Variants in EIF2S1 observed in about 807,000 individuals in gnomAD.
EIF2S1 encodes the protein eukaryotic translation initiation factor 2 subunit 1.
Under a neutral mutation model 33.5 loss-of-function variants are expected in EIF2S1, and 5 were observed. That is an observed-to-expected ratio of 0.15 (90% CI 0.08 to 0.31). The LOEUF (loss-of-function observed/expected upper bound fraction) is 0.31. Ranked by LOEUF, EIF2S1 falls within the 10% of genes least tolerant of loss-of-function variation. The pLI is 1.00. For synonymous variants in EIF2S1, 99 were observed against 127.5 expected (o/e 0.78, Z 1.51); for missense variants, 191 against 384.6 (o/e 0.50, Z 4.21).
chr14:67,374,580 A>C, intron 3 of EIF2S1, 33 bp downstream of exon 3: 1 of 1,383,874 alleles, frequency 7.2e-7, no homozygotes, highest in Non-Finnish European at 1.0e-6. Context: ...TTAGTCCACT[A>C]TCTGTGTGTT....
At chr14:67,374,960 A>G (rs906465720) in intron 3 of EIF2S1, among the ~76,000 whole-genome samples, 28 of 152,342 alleles carry the variant, frequency 1.8e-4, no homozygotes, top group Middle Eastern at 3.4e-3. Flanking sequence ...GGAGACAACC[A>G]GCTGTTATAT....
At chr14:67,362,377 A>G (rs1405174223) in intron 1 of EIF2S1, among the ~76,000 whole-genome samples, 1 of 152,192 alleles carries the variant, frequency 6.6e-6, no homozygotes, top group Admixed American at 6.5e-5. Context: ...CTACTGAAAA[A>G]AAAATTAACA....
intron 4 of EIF2S1, among the ~76,000 whole-genome samples, chr14:67,378,518 G>A (rs2085869828): frequency 1.3e-5 from 2 of 152,164 alleles, no homozygotes; most frequent in African/African-American, 2.4e-5. Context: ...GAGCCAGGCA[G>A]TATTCAAACG....
chr14:67,381,106 T>C (rs1395972263), intron 5 of EIF2S1, among the ~76,000 whole-genome samples: 1 of 152,214 alleles, frequency 6.6e-6, no homozygotes, highest in African/African-American at 2.4e-5. Context: ...ACTAGCCTTT[T>C]CCACCCAGTG....
In EIF2S1 at chr14:67,374,499, T is replaced by C. The variant is rs1380557498; in HGVS notation, c.273T>C (p.Ser91=). The change falls in exon 3 of 8, where the codon TCT becomes TCC. Residue 91 remains serine (S), a synonymous_variant. Transcript: ENST00000256383. Reference sequence around the variant, plus strand: ...TTGATTTGTCAAAAAGAAGAGTTTCTCCAGAGGAAGCAATCAAATGTGAAG... The same window carrying C: ...TTGATTTGTCAAAAAGAAGAGTTTCCCCAGAGGAAGCAATCAAATGTGAAG... ...GYIDLSKRRV[S]PEEAIKCEDK... 1 of 1,607,422 alleles carries C rather than the reference T, an allele frequency of 6.2e-7. No individual in the cohort carries two copies. Among genetic ancestry groups the C allele is most frequent in the South Asian group, 1.1e-5 (1 of 89,436 alleles).
intron 2 of EIF2S1, among the ~76,000 whole-genome samples, chr14:67,367,340 C>T (rs2085786523): frequency 6.6e-6 from 1 of 152,328 alleles, no homozygotes; most frequent in East Asian, 1.9e-4. Context: ...AAGCAATTCT[C>T]CTGTCTCAGC....
chr14:67,379,230 G>A (rs1260079922), intron 4 of EIF2S1, among the ~76,000 whole-genome samples: 2 of 152,154 alleles, frequency 1.3e-5, no homozygotes, highest in Non-Finnish European at 2.9e-5. Flanking sequence ...GCCTAGGAGT[G>A]GAATTGTTGG....
At chr14:67,369,206 TTAAGGAGACAGTGTC>T (rs756796018) in intron 2 of EIF2S1, among the ~76,000 whole-genome samples, 1 of 152,188 alleles carries the variant, frequency 6.6e-6, no homozygotes, top group African/African-American at 2.4e-5. Context: ...AGACAATACC[TTAAGGAGACAGTGTC>T]TATTAATATT....
chr14:67,382,290 G>A lies in EIF2S1; in HGVS notation c.679-157G>A. The A allele has an allele frequency of 2.3e-5, 12 of 526,026 alleles. No individual in the cohort carries two copies. In the South Asian group the frequency reaches 3.6e-4, roughly 16 times the overall value. The allele number at this position is 526,026 out of a possible 1,614,324, so 32.6% of individuals were successfully genotyped here. ...TAACAAATCACCCCAAAACGTAATTGCCAATTCTGTAGGACCCTAAATTAC... is the reference window on the plus strand; with the variant it reads ...TAACAAATCACCCCAAAACGTAATTACCAATTCTGTAGGACCCTAAATTAC... On this transcript the variant is annotated intron_variant, in intron 6 of 7. Transcript: ENST00000256383.
intron 2 of EIF2S1, among the ~76,000 whole-genome samples, chr14:67,369,338 T>C (rs1385166799): frequency 2.0e-5 from 3 of 152,238 alleles, no homozygotes; most frequent in African/African-American, 7.2e-5. Flanking sequence ...TCACTGTGTA[T>C]GTGCCTAATA....
Position 67,380,704 on chromosome 14 carries a change from G to A in EIF2S1, c.519G>A (p.Arg173=), listed in dbSNP as rs2085883451. The A allele has an allele frequency of 1.3e-6, 2 of 1,585,316 alleles. No individual in the cohort carries two copies. Among genetic ancestry groups the A allele is most frequent in the African/African-American group, 1.4e-5 (1 of 73,306 alleles). Residue 173 remains arginine (R), a synonymous_variant, in exon 5 of 8, where the codon CGG becomes CGA. Coordinates refer to ENST00000256383, the MANE Select transcript of EIF2S1 (RefSeq NM_004094.5). ...GTTTAGATTTGAATGAAGATGAACG[G>A]GAAGTACTCATTAATAATATTAATA... The part of the protein sequence containing the change: ...LDSLDLNEDE[R]EVLINNINRR...
intron 3 of EIF2S1, 49 bp from the exon 4 acceptor site, chr14:67,376,390 T>G: frequency 6.6e-7 from 1 of 1,508,106 alleles, no homozygotes; most frequent in South Asian, 1.3e-5. Context: ...AAAACATTTT[T>G]TATAAATCTC....
At chr14:67,361,645 C>CATTTGTCATGCAAAATAACTG (rs1566607693) in intron 1 of EIF2S1, among the ~76,000 whole-genome samples, 1 of 152,212 alleles carries the variant, frequency 6.6e-6, no homozygotes, top group Non-Finnish European at 1.5e-5. Flanking sequence ...TCCTACCTAC[C>CATTTGTCATGCAAAATAACTG]ATTTGTCATG....
In EIF2S1 at chr14:67,386,242, T is replaced by A. The variant is rs770939237; in HGVS notation, c.*2802T>A. ...AATGGTGCTTTAAAAGGTAGTCTCT[T>A]ACCATATAAGGAATAAGTAAAACAT... On this transcript the variant is annotated 3_prime_UTR_variant, in exon 8 of 8. Coordinates refer to ENST00000256383, the MANE Select transcript of EIF2S1 (RefSeq NM_004094.5). The A allele has an allele frequency of 5.2e-5, 8 of 152,686 alleles. No homozygotes were observed. Among genetic ancestry groups the A allele is most frequent in the Non-Finnish European group, 1.2e-4 (8 of 68,046 alleles). 9.5% of individuals were successfully genotyped at this position (152,686 alleles called of 1,614,324 possible).
At chr14:67,383,240 G>C in intron 7 of EIF2S1, 75 bp from the exon 8 acceptor site, 3 of 1,491,994 alleles carry the variant, frequency 2.0e-6, no homozygotes, top group Non-Finnish European at 2.7e-6. Context: ...GAAAACATTA[G>C]GCAGTAATAG....
intron 1 of EIF2S1, among the ~76,000 whole-genome samples, chr14:67,362,068 C>T (rs537420952): frequency 1.4e-5 from 2 of 145,226 alleles, no homozygotes; most frequent in Non-Finnish European, 3.0e-5. Context: ...GTTGCCCAGG[C>T]TGGAGTGTAG....
chr14:67,373,266 T>C (rs779423608), intron 2 of EIF2S1, among the ~76,000 whole-genome samples: 4 of 152,212 alleles, frequency 2.6e-5, no homozygotes, highest in Non-Finnish European at 4.4e-5. Context: ...TAAATGACTG[T>C]TCTTTTTTTT....
chr14:67,379,315 A>AT (rs1372604818), intron 4 of EIF2S1, among the ~76,000 whole-genome samples: 4 of 152,030 alleles, frequency 2.6e-5, no homozygotes, highest in South Asian at 2.1e-4. Context: ...TATATATCTG[A>AT]TTTTTTCTCC....
chr14:67,368,014 G>A (rs2141132147), intron 2 of EIF2S1, among the ~76,000 whole-genome samples: 1 of 152,284 alleles, frequency 6.6e-6, no homozygotes, highest in East Asian at 1.9e-4. Flanking sequence ...AGAGGTGACT[G>A]AGTGATGACA....
Sources: gnomAD v4.1 joint callset for allele counts (sites outside exome capture counted in the v4.1 genomes callset) on GRCh38, gnomAD v4.1.1 for gene constraint, MANE v1.5 for transcripts, NCBI Gene and HGNC (gene_info 2026-07-23, HGNC 2026-07-21) for gene names.